CHRM3: variants seen among roughly 807,000 people sequenced by gnomAD.
CHRM3 encodes muscarinic acetylcholine receptor M3.
In CHRM3, 11 loss-of-function variants were observed where a neutral mutation model predicts 41.8. The observed-to-expected ratio is 0.26, with a 90% CI of 0.17 to 0.44. The LOEUF is 0.44. Among genes scored for constraint, CHRM3 ranks in the 20% least tolerant of loss-of-function variants. The pLI, the probability that CHRM3 is intolerant of heterozygous loss-of-function variation, is 1.00. For synonymous variants in CHRM3, 297 were observed against 301.4 expected (o/e 0.99, Z 0.15); for missense variants, 571 against 745.4 (o/e 0.77, Z 2.72).
At chr1:239,663,531 T>C (rs949914641) in intron 4 of CHRM3, among the ~76,000 whole-genome samples, 1 of 152,140 alleles carries the variant, frequency 6.6e-6, no homozygotes, top group Non-Finnish European at 1.5e-5. Context: ...ACTAGTAAAT[T>C]AATTTGTAGT....
At chr1:239,449,908 G>A (rs939689298) in intron 1 of CHRM3, among the ~76,000 whole-genome samples, 4 of 152,118 alleles carry the variant, frequency 2.6e-5, no homozygotes, top group Non-Finnish European at 5.9e-5. Context: ...GTGAATTACT[G>A]GGGGTTGAGT....
intron 1 of CHRM3, among the ~76,000 whole-genome samples, chr1:239,426,285 C>T (rs909163369): frequency 6.7e-6 from 1 of 150,316 alleles, no homozygotes; most frequent in African/African-American, 2.5e-5. Context: ...GTCAGTGTGG[C>T]GATTCACAGC....
intron 5 of CHRM3, among the ~76,000 whole-genome samples, chr1:239,741,059 G>A (rs1025355250): frequency 6.6e-6 from 1 of 152,120 alleles, no homozygotes; most frequent in African/African-American, 2.4e-5. Context: ...AGGGGAAAGA[G>A]CTATCTTTCC....
chr1:239,489,140 G>A (rs774394010), intron 1 of CHRM3, among the ~76,000 whole-genome samples: 19 of 152,260 alleles, frequency 1.2e-4, no homozygotes, highest in Admixed American at 7.8e-4. Flanking sequence ...GGGGCCAGGC[G>A]TGGTGGCTCA....
intron 5 of CHRM3, among the ~76,000 whole-genome samples, chr1:239,810,566 T>C (rs1341188067): frequency 6.6e-6 from 1 of 152,228 alleles, no homozygotes; most frequent in African/African-American, 2.4e-5. Context: ...TTTCAACCCA[T>C]GTCACTTATC....
intron 5 of CHRM3, among the ~76,000 whole-genome samples, chr1:239,696,474 G>A (rs920902832): frequency 6.6e-6 from 1 of 152,070 alleles, no homozygotes; most frequent in Non-Finnish European, 1.5e-5. Flanking sequence ...CTTAGGGTAA[G>A]ATCCTTAAAC....
At chr1:239,869,599 G>T (rs897963191) in intron 6 of CHRM3, among the ~76,000 whole-genome samples, 4 of 151,990 alleles carry the variant, frequency 2.6e-5, no homozygotes, top group African/African-American at 9.7e-5. Flanking sequence ...ACACCCTCTG[G>T]AATGAGCACA....
intron 1 of CHRM3, among the ~76,000 whole-genome samples, chr1:239,480,720 C>A (rs1269522672): frequency 6.6e-6 from 1 of 151,900 alleles, no homozygotes; most frequent in Non-Finnish European, 1.5e-5. Flanking sequence ...GCACACCTGG[C>A]TAATTTTTTG....
At chr1:239,888,017 CTTGT>C (rs1174862447) in intron 6 of CHRM3, among the ~76,000 whole-genome samples, 1 of 152,078 alleles carries the variant, frequency 6.6e-6, no homozygotes, top group Admixed American at 6.6e-5. Flanking sequence ...AGTTGAGTTG[CTTGT>C]TTAAGTCGTG....
At chr1:239,635,945 GAAGAAA>G (rs1427684844) in intron 4 of CHRM3, among the ~76,000 whole-genome samples, 16 of 151,972 alleles carry the variant, frequency 1.1e-4, no homozygotes, top group Non-Finnish European at 1.8e-4. Context: ...GCTTAGATGG[GAAGAAA>G]AAGAAAAAGA....
chr1:239,866,874 A>G (rs975435752), intron 6 of CHRM3, among the ~76,000 whole-genome samples: 6 of 152,208 alleles, frequency 3.9e-5, no homozygotes, highest in African/African-American at 1.4e-4. Context: ...TACTCATGCC[A>G]TTAGATCCCA....
chr1:239,434,761 GAGAT>G (rs1214575261), intron 1 of CHRM3, among the ~76,000 whole-genome samples: 2 of 152,142 alleles, frequency 1.3e-5, no homozygotes, highest in Admixed American at 6.5e-5. Flanking sequence ...GAAAGAGAGA[GAGAT>G]AGAGAGGGAG....
chr1:239,467,521 C>T (rs908760788), intron 1 of CHRM3, among the ~76,000 whole-genome samples: 12 of 152,080 alleles, frequency 7.9e-5, no homozygotes, highest in Admixed American at 2.0e-4. Flanking sequence ...AGGCTGGTCT[C>T]GAACTCCTCA....
chr1:239,750,206 G>A (rs1665694657), intron 5 of CHRM3, among the ~76,000 whole-genome samples: 1 of 152,134 alleles, frequency 6.6e-6, no homozygotes. Flanking sequence ...GGGCCGGCTG[G>A]CAGATGATTT....
intron 4 of CHRM3, among the ~76,000 whole-genome samples, chr1:239,665,162 C>A (rs1460613246): frequency 4.9e-5 from 4 of 81,464 alleles, no homozygotes; most frequent in Non-Finnish European, 6.5e-5. Context: ...TTGTTTTTCT[C>A]TGAAAAAAAA....
intron 3 of CHRM3, among the ~76,000 whole-genome samples, chr1:239,559,814 A>G (rs1336487924): frequency 4.6e-5 from 7 of 152,196 alleles, no homozygotes; most frequent in Admixed American, 2.6e-4. Context: ...CCTGTCCAGG[A>G]TCTTACCCTT....
intron 6 of CHRM3, among the ~76,000 whole-genome samples, chr1:239,891,550 TA>T (rs1405661982): frequency 6.6e-6 from 1 of 152,104 alleles, no homozygotes; most frequent in Non-Finnish European, 1.5e-5. Flanking sequence ...TTTTGCTGAG[TA>T]GGGTGGCCTA....
chr1:239,469,084 G>A (rs1368458399), intron 1 of CHRM3, among the ~76,000 whole-genome samples: 2 of 152,066 alleles, frequency 1.3e-5, no homozygotes, highest in South Asian at 2.1e-4. Flanking sequence ...CAAAATGCCC[G>A]AGTTCTAGTC....
intron 1 of CHRM3, among the ~76,000 whole-genome samples, chr1:239,483,537 G>A (rs1177045740): frequency 6.6e-6 from 1 of 152,186 alleles, no homozygotes; most frequent in Non-Finnish European, 1.5e-5. Flanking sequence ...CTTCTGCAAG[G>A]CTTTTTCAAC....
Sources: gnomAD v4.1 joint callset for allele counts (sites outside exome capture counted in the v4.1 genomes callset) on GRCh38, gnomAD v4.1.1 for gene constraint, MANE v1.5 for transcripts, NCBI Gene and HGNC (gene_info 2026-07-23, HGNC 2026-07-21) for gene names.